Variants in KCND2 observed in about 807,000 individuals in gnomAD.
The protein encoded by KCND2 is A-type voltage-gated potassium channel KCND2.
KCND2 carries 16 observed loss-of-function variants against 54.4 expected under a neutral mutation model. That is an observed-to-expected ratio of 0.29 (90% confidence interval 0.20 to 0.45). The LOEUF is 0.45. Among genes scored for constraint, KCND2 ranks in the 20% least tolerant of loss-of-function variants. The pLI is 1.00. For missense variants in KCND2, 486 were observed against 824.2 expected (o/e 0.59, Z 5.02); for synonymous variants, 317 against 310.7 (o/e 1.02, Z -0.21).
chr7:120,635,504 A>C (rs1192298357), intron 1 of KCND2, among the ~76,000 whole-genome samples: 1 of 152,220 alleles, frequency 6.6e-6, no homozygotes, highest in Non-Finnish European at 1.5e-5. Flanking sequence ...TAAGAGAATA[A>C]ATGAGATTGT....
intron 1 of KCND2, among the ~76,000 whole-genome samples, chr7:120,496,213 G>A (rs941255932): frequency 3.9e-5 from 6 of 151,974 alleles, no homozygotes; most frequent in Non-Finnish European, 7.4e-5. Context: ...TTGCCCTGAT[G>A]AGTTTGGAGC....
chr7:120,533,167 A>G (rs1791862924), intron 1 of KCND2, among the ~76,000 whole-genome samples: 1 of 152,108 alleles, frequency 6.6e-6, no homozygotes, highest in South Asian at 2.1e-4. Flanking sequence ...AAATTCAAGG[A>G]CTTCAAGAGT....
intron 1 of KCND2, among the ~76,000 whole-genome samples, chr7:120,506,510 C>G (rs927766497): frequency 2.0e-5 from 3 of 151,790 alleles, no homozygotes; most frequent in Admixed American, 6.6e-5. Flanking sequence ...AAACATAGTA[C>G]TAAAACTCTG....
rs1799139437 is a variant in KCND2, at chr7:120,274,329, GC to G, written c.-303del. ...TTTGAAGAAACGGCTGCACCTGTGT[GC>G]TTATTTGTGCCAGAGGGTGGCCTAG... is the stretch of plus-strand genomic sequence containing the variant. On this transcript the variant is annotated 5_prime_UTR_variant, in exon 1 of 6. Transcript: ENST00000331113. 3.8e-6 allele frequency: 2 copies of G among 526,402 alleles called. No homozygotes were observed. Among genetic ancestry groups the G allele is most frequent in the Admixed American group, 3.4e-5 (1 of 29,760 alleles). 32.6% of individuals were successfully genotyped at this position (526,402 alleles called of 1,614,324 possible).
intron 1 of KCND2, among the ~76,000 whole-genome samples, chr7:120,522,792 T>C (rs1362624650): frequency 6.6e-6 from 1 of 152,174 alleles, no homozygotes; most frequent in East Asian, 1.9e-4. Flanking sequence ...GTTCTATGTT[T>C]CTGAAATGTG....
intron 1 of KCND2, among the ~76,000 whole-genome samples, chr7:120,370,061 C>G (rs1248429071): frequency 6.6e-6 from 1 of 151,946 alleles, no homozygotes; most frequent in East Asian, 1.9e-4. Context: ...GTCTGTTTGC[C>G]TTCCTATGAA....
intron 1 of KCND2, among the ~76,000 whole-genome samples, chr7:120,424,662 G>A (rs904788088): frequency 1.3e-4 from 20 of 152,098 alleles, no homozygotes; most frequent in African/African-American, 3.9e-4. Context: ...GCCTTCCTAC[G>A]CATGGATTTG....
At chr7:120,344,560 G>A (rs1800286769) in intron 1 of KCND2, among the ~76,000 whole-genome samples, 1 of 152,034 alleles carries the variant, frequency 6.6e-6, no homozygotes, top group South Asian at 2.1e-4. Flanking sequence ...GATAGGATGG[G>A]GTAATGGTGC....
intron 1 of KCND2, among the ~76,000 whole-genome samples, chr7:120,436,133 C>G (rs768211456): frequency 2.6e-5 from 4 of 152,094 alleles, no homozygotes; most frequent in Admixed American, 6.5e-5. Flanking sequence ...GGTTTATAAG[C>G]TATTATTGCT....
chr7:120,622,087 A>G (rs1445436062), intron 1 of KCND2, among the ~76,000 whole-genome samples: 1 of 151,484 alleles, frequency 6.6e-6, no homozygotes, highest in African/African-American at 2.4e-5. Context: ...CTTACAATAT[A>G]CTCTATATAT....
intron 1 of KCND2, among the ~76,000 whole-genome samples, chr7:120,466,664 C>T (rs1429585384): frequency 1.3e-5 from 2 of 152,110 alleles, no homozygotes; most frequent in Non-Finnish European, 2.9e-5. Flanking sequence ...TTGTGCCCAC[C>T]AACATTAAAG....
chr7:120,656,379 AC>A lies in KCND2; in HGVS notation c.1116-76523del, dbSNP rs147313746. The stretch of plus-strand genomic sequence containing the variant: ...GCTTCCTTATATTACTGTGGACTGG[AC>A]TTGACTCATAGGTATTTTACCCAAT... On this transcript the variant is annotated intron_variant, in intron 1 of 5. Coordinates refer to ENST00000331113, the MANE Select transcript of KCND2 (RefSeq NM_012281.3). Among the ~76,000 whole-genome samples, 710 of 152,282 alleles carry A rather than the reference AC, an allele frequency of 4.7e-3. 5 individuals carry two copies. Among genetic ancestry groups the A allele is most frequent in the African/African-American group, 0.016 (683 of 41,570 alleles).
intron 1 of KCND2, among the ~76,000 whole-genome samples, chr7:120,537,036 T>G (rs1320507364): frequency 6.6e-6 from 1 of 152,202 alleles, no homozygotes; most frequent in African/African-American, 2.4e-5. Flanking sequence ...GGTTTTCAAT[T>G]GATTTTGCCA....
intron 1 of KCND2, among the ~76,000 whole-genome samples, chr7:120,351,365 TACACACAC>T (rs59756091): frequency 0.069 from 6,541 of 94,708 alleles, 243 homozygotes; most frequent in African/African-American, 0.094. Flanking sequence ...TCGAAGAGCA[TACACACAC>T]ACACACACAC....
At chr7:120,435,252 G>A (rs527750678) in intron 1 of KCND2, among the ~76,000 whole-genome samples, 7 of 149,812 alleles carry the variant, frequency 4.7e-5, no homozygotes, top group East Asian at 3.9e-4. Flanking sequence ...GATTGTAGGC[G>A]TGCACCACCA....
At chr7:120,506,929 T>C (rs982537356) in intron 1 of KCND2, among the ~76,000 whole-genome samples, 1 of 151,844 alleles carries the variant, frequency 6.6e-6, no homozygotes, top group South Asian at 2.1e-4. Flanking sequence ...ATTTATTTTC[T>C]GAAGAAAGCC....
chr7:120,412,541 T>C (rs1206906836), intron 1 of KCND2, among the ~76,000 whole-genome samples: 1 of 152,028 alleles, frequency 6.6e-6, no homozygotes, highest in African/African-American at 2.4e-5. Context: ...ATCAGTCCTC[T>C]TGTTCCTCCA....
intron 1 of KCND2, among the ~76,000 whole-genome samples, chr7:120,497,219 T>C (rs892272527): frequency 8.5e-5 from 13 of 152,352 alleles, no homozygotes; most frequent in Admixed American, 6.5e-4. Context: ...AATTCTATCC[T>C]GAGCTCTTTA....
intron 1 of KCND2, among the ~76,000 whole-genome samples, chr7:120,478,511 A>G (rs1006681228): frequency 1.3e-5 from 2 of 152,194 alleles, no homozygotes; most frequent in Non-Finnish European, 2.9e-5. Context: ...GCCCATAGAA[A>G]GAGTGGAAAT....
Sources: gnomAD v4.1 joint callset for allele counts (sites outside exome capture counted in the v4.1 genomes callset) on GRCh38, gnomAD v4.1.1 for gene constraint, MANE v1.5 for transcripts, NCBI Gene and HGNC (gene_info 2026-07-23, HGNC 2026-07-21) for gene names.